KCNN2: variants seen among roughly 807,000 people sequenced by gnomAD.
KCNN2 encodes potassium calcium-activated channel subfamily N member 2, also known as small conductance calcium-activated potassium channel protein 2.
Under a neutral mutation model 55.5 loss-of-function variants are expected in KCNN2, and 24 were observed. The ratio of observed to expected loss-of-function variants is 0.43; its 90% CI spans 0.31 to 0.61. KCNN2 has a LOEUF of 0.61. Ranked by LOEUF, KCNN2 falls within the 20% of genes least tolerant of loss-of-function variation. The pLI is 0.08. For synonymous variants in KCNN2, 431 were observed against 336.1 expected (o/e 1.28, Z -3.09); for missense variants, 754 against 853.6 (o/e 0.88, Z 1.45).
At chr5:114,346,634 T>C (rs187750428) in intron 2 of KCNN2, among the ~76,000 whole-genome samples, 1 of 152,206 alleles carries the variant, frequency 6.6e-6, no homozygotes, top group African/African-American at 2.4e-5. Flanking sequence ...AGATATTAAA[T>C]ATAGTTCTGT....
At chr5:114,316,009 G>C (rs1488355064) in intron 2 of KCNN2, among the ~76,000 whole-genome samples, 1 of 152,034 alleles carries the variant, frequency 6.6e-6, no homozygotes, top group African/African-American at 2.4e-5. Context: ...ATTTACCAAG[G>C]AACCTCAAAT....
intron 1 of KCNN2, among the ~76,000 whole-genome samples, chr5:114,098,118 G>C (rs1345232489): frequency 6.6e-6 from 1 of 151,936 alleles, no homozygotes; most frequent in African/African-American, 2.4e-5. Context: ...CTTTCTTTCC[G>C]CTTCTGTCAT....
At chr5:114,231,604 G>C (rs1754359854) in intron 2 of KCNN2, among the ~76,000 whole-genome samples, 1 of 151,082 alleles carries the variant, frequency 6.6e-6, no homozygotes, top group South Asian at 2.1e-4. Context: ...CATTTATGCT[G>C]ATAGTGATCA....
chr5:114,098,561 G>A (rs1011372329), intron 1 of KCNN2, among the ~76,000 whole-genome samples: 2 of 151,984 alleles, frequency 1.3e-5, no homozygotes, highest in Non-Finnish European at 2.9e-5. Flanking sequence ...ATGATCTGAG[G>A]TGGAACAGAT....
chr5:114,213,497 G>T (rs951106570), intron 1 of KCNN2, among the ~76,000 whole-genome samples: 15 of 149,296 alleles, frequency 1.0e-4, no homozygotes, highest in African/African-American at 3.7e-4. Context: ...TTTTTGTTTT[G>T]TTTTTGTGAT....
At chr5:114,415,038 G>T (rs1436625828) in intron 3 of KCNN2, among the ~76,000 whole-genome samples, 2 of 152,110 alleles carry the variant, frequency 1.3e-5, no homozygotes, top group Non-Finnish European at 2.9e-5. Context: ...CCATAGATTT[G>T]CCTTTCTGAG....
intron 2 of KCNN2, among the ~76,000 whole-genome samples, chr5:114,342,198 G>T (rs1301401062): frequency 7.7e-6 from 1 of 130,676 alleles, no homozygotes; most frequent in Admixed American, 8.1e-5. Context: ...ACTGTGCCCG[G>T]CCCATAATTT....
chr5:114,062,649 C>T (rs1750356870), intron 1 of KCNN2, among the ~76,000 whole-genome samples: 1 of 152,098 alleles, frequency 6.6e-6, no homozygotes, highest in Non-Finnish European at 1.5e-5. Flanking sequence ...TCTGAATTAG[C>T]AAAAAGTCTC....
intron 2 of KCNN2, among the ~76,000 whole-genome samples, chr5:114,398,119 A>G (rs748924353): frequency 3.3e-5 from 5 of 152,168 alleles, no homozygotes; most frequent in Non-Finnish European, 7.3e-5. Flanking sequence ...TATGTCCAGA[A>G]TGATATTTCC....
intron 2 of KCNN2, among the ~76,000 whole-genome samples, chr5:114,399,056 C>CT (rs1183598616): frequency 2.0e-5 from 3 of 152,188 alleles, no homozygotes; most frequent in Non-Finnish European, 4.4e-5. Flanking sequence ...CATGATCGCT[C>CT]TAGCTAAGAC....
intron 1 of KCNN2, 59 bp from the exon 2 acceptor site, chr5:114,363,847 G>A: frequency 5.6e-6 from 7 of 1,239,568 alleles, no homozygotes; most frequent in South Asian, 4.9e-5. Context: ...CTCTGGGGAC[G>A]TGGAAGGCGG....
chr5:114,181,946 G>A (rs756706247), intron 1 of KCNN2, among the ~76,000 whole-genome samples: 3 of 152,134 alleles, frequency 2.0e-5, no homozygotes, highest in Non-Finnish European at 4.4e-5. Flanking sequence ...CCCGGGAGGT[G>A]GAGATTGCAG....
At chr5:114,235,038 A>G (rs1219689260) in intron 2 of KCNN2, among the ~76,000 whole-genome samples, 1 of 152,194 alleles carries the variant, frequency 6.6e-6, no homozygotes, top group South Asian at 2.1e-4. Flanking sequence ...GAACATGAAT[A>G]TTCTTTTGAA....
At chr5:114,162,019 G>T (rs1375739876) in intron 1 of KCNN2, among the ~76,000 whole-genome samples, 1 of 152,318 alleles carries the variant, frequency 6.6e-6, no homozygotes, top group East Asian at 1.9e-4. Context: ...GTCATTCTCT[G>T]TCCAGCTTTG....
rs891590393 is a variant in KCNN2, at chr5:114,492,204, C to T, written c.2019-1199C>T. On this transcript the variant is annotated intron_variant, in intron 6 of 7. Transcript: ENST00000673685. Reference sequence around the variant, plus strand: ...GGTGACATATTGGATATCCTAGTTTCGGAACAAAATCACTGAACATTATGA... The same window carrying T: ...GGTGACATATTGGATATCCTAGTTTTGGAACAAAATCACTGAACATTATGA... Among the ~76,000 whole-genome samples, 14 of 152,212 alleles carry T rather than the reference C, an allele frequency of 9.2e-5. No individual in the cohort carries two copies. The East Asian group carries it at 1.9e-3, about 21-fold the overall frequency.
chr5:114,450,554 C>T (rs1760627372), intron 3 of KCNN2, among the ~76,000 whole-genome samples: 1 of 152,196 alleles, frequency 6.6e-6, no homozygotes, highest in South Asian at 2.1e-4. Flanking sequence ...GTATCAGGGG[C>T]TTGAGAATAT....
At chr5:114,477,751 A>C (rs1428090054) in intron 5 of KCNN2, among the ~76,000 whole-genome samples, 25 of 152,182 alleles carry the variant, frequency 1.6e-4, no homozygotes, top group Admixed American at 1.6e-3. Context: ...CTTTTTGGAA[A>C]AGAAACTTGA....
intron 3 of KCNN2, among the ~76,000 whole-genome samples, chr5:114,442,259 T>A (rs1205232682): frequency 1.3e-5 from 2 of 150,582 alleles, no homozygotes; most frequent in Non-Finnish European, 1.5e-5. Context: ...TATATATATA[T>A]AATTTTCATA....
chr5:114,339,412 T>G (rs375849232), intron 2 of KCNN2, among the ~76,000 whole-genome samples: 13 of 152,308 alleles, frequency 8.5e-5, no homozygotes, highest in East Asian at 7.7e-4. Context: ...CATGGCCTAC[T>G]CACACTTCCT....
Sources: allele counts gnomAD v4.1 joint callset (sites outside exome capture counted in the v4.1 genomes callset), GRCh38; gene constraint gnomAD v4.1.1; transcripts MANE v1.5; gene names NCBI Gene and HGNC (gene_info 2026-07-23, HGNC 2026-07-21).